TSPAN9: variants seen among roughly 807,000 people sequenced by gnomAD.
The protein encoded by TSPAN9 is tetraspanin 9.
A neutral mutation model predicts 31.0 loss-of-function variants in TSPAN9; 16 were observed. The observed-to-expected ratio is 0.52, with a 90% confidence interval of 0.35 to 0.78. TSPAN9 has a LOEUF of 0.78. Ranked by LOEUF, TSPAN9 falls within the 30% of genes least tolerant of loss-of-function variation. The pLI, the probability that TSPAN9 is intolerant of heterozygous loss-of-function variation, is 0.01. For synonymous variants in TSPAN9, 145 were observed against 121.6 expected (o/e 1.19, Z -1.27); for missense variants, 272 against 312.5 (o/e 0.87, Z 0.98).
chr12:3,267,585 C>T (rs1862560073), intron 3 of TSPAN9, among the ~76,000 whole-genome samples: 1 of 152,224 alleles, frequency 6.6e-6, no homozygotes, highest in Non-Finnish European at 1.5e-5. Context: ...GCCCTGGCTT[C>T]ACAATTACTG....
chr12:3,083,634 A>G lies in TSPAN9; in HGVS notation c.-84-19A>G, dbSNP rs1441394684. ...GGCTTCTTACCAAAGTGATGACCTA[A>G]TTTTTTGCCTTCCTGCAGGAATATC... On this transcript the variant is annotated intron_variant, in intron 1 of 8. Transcript: ENST00000011898. 6.6e-6 allele frequency: 1 copy of G among 152,114 alleles called. No homozygotes were observed. Among genetic ancestry groups the G allele is most frequent in the Non-Finnish European group, 1.5e-5 (1 of 68,046 alleles). The allele number at this position is 152,114 out of a possible 1,614,324, so 9.4% of individuals were successfully genotyped here. A position where few individuals can be genotyped will look rare whatever the true frequency, so the allele number is the denominator to read the frequency against.
intron 2 of TSPAN9, among the ~76,000 whole-genome samples, chr12:3,158,636 T>C (rs533510999): frequency 3.0e-4 from 44 of 147,268 alleles, no homozygotes; most frequent in South Asian, 1.3e-3. Context: ...GCAGGAGAAT[T>C]GCTTGAACCT....
At chr12:3,191,658 A>C (rs1234539286) in intron 2 of TSPAN9, among the ~76,000 whole-genome samples, 1 of 152,014 alleles carries the variant, frequency 6.6e-6, no homozygotes, top group Non-Finnish European at 1.5e-5. Flanking sequence ...CCCTCCCTTG[A>C]GCTCCTCTGC....
chr12:3,121,537 T>G (rs916997047), intron 2 of TSPAN9, among the ~76,000 whole-genome samples: 43,560 of 99,634 alleles, frequency 0.44, 8,181 homozygotes, highest in East Asian at 0.53. Context: ...TTAAAACTTT[T>G]TTTTTTTTTT....
chr12:3,121,423 G>T (rs904639365), intron 2 of TSPAN9, among the ~76,000 whole-genome samples: 1 of 134,970 alleles, frequency 7.4e-6, no homozygotes, highest in African/African-American at 2.8e-5. Flanking sequence ...GCAGTGGTGT[G>T]ATCACAGCTC....
chr12:3,083,946 T>G (rs71577844), intron 2 of TSPAN9: 7 of 152,236 alleles, frequency 4.6e-5, no homozygotes, highest in Non-Finnish European at 8.8e-5. Context: ...CCCCACTGTT[T>G]CTGATTGGTG....
At chr12:3,269,998 G>A (rs1293926070) in intron 3 of TSPAN9, among the ~76,000 whole-genome samples, 1 of 152,214 alleles carries the variant, frequency 6.6e-6, no homozygotes, top group African/African-American at 2.4e-5. Flanking sequence ...TACAAGGCTG[G>A]CAGGTGCTCT....
At chr12:3,084,132 G>GTCTCCATT (rs2098299247) in intron 2 of TSPAN9, 1 of 152,116 alleles carries the variant, frequency 6.6e-6, no homozygotes, top group Non-Finnish European at 1.5e-5. Flanking sequence ...AGTCCTTAGT[G>GTCTCCATT]TCTCCATTTT....
intron 3 of TSPAN9, among the ~76,000 whole-genome samples, chr12:3,228,084 CATGTCTGTA>C (rs1399467986): frequency 1.3e-5 from 2 of 152,182 alleles, no homozygotes; most frequent in African/African-American, 4.8e-5. Context: ...TGTGGGGGCT[CATGTCTGTA>C]ATCCCATCAC....
At chr12:3,190,615 T>C (rs1211858659) in intron 2 of TSPAN9, among the ~76,000 whole-genome samples, 1 of 152,022 alleles carries the variant, frequency 6.6e-6, no homozygotes, top group African/African-American at 2.4e-5. Flanking sequence ...GAGCCCAGAG[T>C]GGGTGACTCT....
Position 3,187,132 on chromosome 12 carries a change from C to T in TSPAN9, c.-17-14045C>T, listed in dbSNP as rs2098361840. 2.0e-5 allele frequency among the ~76,000 whole-genome samples: 3 copies of T among 152,142 alleles called. No homozygotes were observed. The highest frequency in any genetic ancestry group is 7.2e-5 in the African/African-American group (3 of 41,424). ...CTCTACTCTACCTGTGCTGTGCTTT[C>T]AGAGGGGAGGGCCTCTGTTTTCTTT... On this transcript the variant is annotated intron_variant, in intron 2 of 8. Coordinates refer to ENST00000011898, the MANE Select transcript of TSPAN9 (RefSeq NM_006675.5). The surrounding 1 kb of genome is among the most constrained non-coding windows in gnomAD (Gnocchi z 5.2).
rs75447776 is a variant in TSPAN9 at position 3,203,927 on chromosome 12, G to A, written c.63+2671G>A. ...GCAGGCTGGTGCTTGGCCTGATACT[G>A]GGGAAGGAGCAGAGGAAAGAGCAGA... On this transcript the variant is annotated intron_variant, in intron 3 of 8. Coordinates refer to ENST00000011898, the MANE Select transcript of TSPAN9 (RefSeq NM_006675.5). Among the ~76,000 whole-genome samples, 51 of 152,266 alleles carry A rather than the reference G, an allele frequency of 3.3e-4. No individual in the cohort carries two copies. In the East Asian group the frequency reaches 8.1e-3, roughly 24 times the overall value.
chr12:3,100,604 G>A (rs576339352), intron 2 of TSPAN9, among the ~76,000 whole-genome samples: 4 of 152,238 alleles, frequency 2.6e-5, no homozygotes, highest in Non-Finnish European at 4.4e-5. Flanking sequence ...TAGGTGGGAC[G>A]GTAAGTCCAG....
At position 3,285,959 on chromosome 12, in the gene TSPAN9, C is replaced by G. The variant is rs1863007828; in HGVS notation, c.*2843C>G. ...TCCCCCAGCTTGAGCCGTGTCACCC[C>G]CCTCTCCCTCCAGCATGGGCCTGTG... On this transcript the variant is annotated 3_prime_UTR_variant, in exon 9 of 9. Transcript: ENST00000011898. The G allele has an allele frequency of 6.6e-6, 1 of 152,500 alleles. No homozygotes were observed. The allele number at this position is 152,500 out of a possible 1,614,324, so 9.4% of individuals were successfully genotyped here. A position where few individuals can be genotyped will look rare whatever the true frequency, so the allele number is the denominator to read the frequency against.
intron 3 of TSPAN9, among the ~76,000 whole-genome samples, chr12:3,257,595 A>G (rs895083179): frequency 4.6e-5 from 7 of 151,844 alleles, no homozygotes; most frequent in African/African-American, 7.3e-5. Flanking sequence ...TATCCCCAAC[A>G]AGCTCTCTTG....
At chr12:3,276,256 C>T (rs1318383319) in intron 3 of TSPAN9, among the ~76,000 whole-genome samples, 1 of 152,234 alleles carries the variant, frequency 6.6e-6, no homozygotes, top group Non-Finnish European at 1.5e-5. Context: ...CTTCTCCAAA[C>T]AGCAGCCAGA....
chr12:3,146,538 G>C (rs922132720), intron 2 of TSPAN9, among the ~76,000 whole-genome samples: 1 of 152,198 alleles, frequency 6.6e-6, no homozygotes, highest in Non-Finnish European at 1.5e-5. Context: ...TCCGATTGAT[G>C]AAGACAGGCA....
chr12:3,201,031 C>T, intron 2 of TSPAN9, 146 bp from the exon 3 acceptor site: 1 of 689,468 alleles, frequency 1.5e-6, no homozygotes, highest in Non-Finnish European at 2.5e-6. Context: ...TCGGCCGCGG[C>T]TTCACGGCCG....
chr12:3,134,669 C>T (rs191851721), intron 2 of TSPAN9, among the ~76,000 whole-genome samples: 63 of 152,224 alleles, frequency 4.1e-4, no homozygotes, highest in African/African-American at 1.3e-3. Context: ...CTGTTTGGGG[C>T]GCCCAACTTC....
Sources: allele counts gnomAD v4.1 joint callset (sites outside exome capture counted in the v4.1 genomes callset), GRCh38; gene constraint gnomAD v4.1.1; non-coding constraint Gnocchi (gnomAD v3.1); transcripts MANE v1.5; gene names NCBI Gene and HGNC (gene_info 2026-07-23, HGNC 2026-07-21).